UNC5D: variants seen among roughly 807,000 people sequenced by gnomAD.
UNC5D encodes unc-5 netrin receptor D, also known as netrin receptor UNC5D.
A neutral mutation model predicts 105.4 loss-of-function variants in UNC5D; 39 were observed. The ratio of observed to expected loss-of-function variants is 0.37; its 90% confidence interval spans 0.29 to 0.48. UNC5D has a LOEUF of 0.48. UNC5D is among the 20% of genes least tolerant of loss of function. The probability of loss-of-function intolerance (pLI) is 0.98; values close to 1 mark genes in which losing one functional copy is unlikely to be tolerated. For synonymous variants in UNC5D, 452 were observed against 450.4 expected (o/e 1.00, Z -0.04); for missense variants, 991 against 1,202.4 (o/e 0.82, Z 2.60).
chr8:35,608,890 CTATT>C (rs1302137934), intron 4 of UNC5D, among the ~76,000 whole-genome samples: 1 of 151,794 alleles, frequency 6.6e-6, no homozygotes, highest in African/African-American at 2.4e-5. Flanking sequence ...GTACATGTAT[CTATT>C]TAATTTTTTT....
rs201373561 is a variant in UNC5D, at chr8:35,748,702, C to T, written c.1935+7C>T. ...ACAGCAGGGCAAATGGGAGGTGAGA[C>T]CCTTTACTTCCTTTTTTAAACAGTG... On this transcript the variant is annotated splice_region_variant and intron_variant, in intron 12 of 16. Coordinates refer to ENST00000404895, the MANE Select transcript of UNC5D (RefSeq NM_080872.4). 5.2e-5 allele frequency: 83 copies of T among 1,610,172 alleles called. No individual in the cohort carries two copies. Among genetic ancestry groups the T allele is most frequent in the Non-Finnish European group, 6.5e-5 (77 of 1,178,658 alleles).
At chr8:35,443,206 GA>G (rs1425864101) in intron 1 of UNC5D, among the ~76,000 whole-genome samples, 1 of 151,826 alleles carries the variant, frequency 6.6e-6, no homozygotes, top group Non-Finnish European at 1.5e-5. Flanking sequence ...GCTTTACCAA[GA>G]AGGATATTCT....
chr8:35,587,804 C>T (rs1044309913), intron 3 of UNC5D, among the ~76,000 whole-genome samples: 11 of 151,248 alleles, frequency 7.3e-5, no homozygotes, highest in African/African-American at 2.2e-4. Context: ...TTTTTTTGGA[C>T]GTGATTTTTG....
At position 35,336,737 on chromosome 8, in the gene UNC5D, C is replaced by T. The variant is rs1406546478; in HGVS notation, c.103+100850C>T. On this transcript the variant is annotated intron_variant, in intron 1 of 16. Coordinates refer to ENST00000404895, the MANE Select transcript of UNC5D (RefSeq NM_080872.4). ...GTGGAATAATACTTAAAGAATCCTC[C>T]CTGGAGGAGATGATTTTTCAAACAC... is the stretch of plus-strand genomic sequence containing the variant. 1.3e-5 allele frequency among the ~76,000 whole-genome samples: 2 copies of T among 151,912 alleles called. 1 individual carries two copies. The highest frequency in any genetic ancestry group is 2.9e-5 in the Non-Finnish European group (2 of 68,012).
intron 1 of UNC5D, among the ~76,000 whole-genome samples, chr8:35,318,882 T>C (rs970632333): frequency 1.3e-5 from 2 of 152,024 alleles, no homozygotes; most frequent in African/African-American, 4.8e-5. Flanking sequence ...CCATTACGAG[T>C]GTCTTTAAGT....
At chr8:35,605,653 A>G (rs1023559248) in intron 4 of UNC5D, among the ~76,000 whole-genome samples, 1 of 152,228 alleles carries the variant, frequency 6.6e-6, no homozygotes, top group Non-Finnish European at 1.5e-5. Flanking sequence ...TGGAGCCTAC[A>G]GAGGCAGGCA....
At chr8:35,550,383 T>C (rs1348166508) in intron 2 of UNC5D, among the ~76,000 whole-genome samples, 1 of 152,210 alleles carries the variant, frequency 6.6e-6, no homozygotes, top group Non-Finnish European at 1.5e-5. Flanking sequence ...TTTTGAACTT[T>C]GCTTTCTCAG....
At chr8:35,321,911 C>A (rs11984839) in intron 1 of UNC5D, among the ~76,000 whole-genome samples, 69,684 of 151,900 alleles carry the variant, frequency 0.46, 16,481 homozygotes, top group East Asian at 0.7. Flanking sequence ...ATTTTAAGGT[C>A]TTTTGAACTG....
At chr8:35,715,407 T>G (rs887012014) in intron 8 of UNC5D, among the ~76,000 whole-genome samples, 2 of 152,224 alleles carry the variant, frequency 1.3e-5, no homozygotes, top group Non-Finnish European at 2.9e-5. Context: ...TTTTGCATAG[T>G]ATATGTACCT....
chr8:35,241,716 A>G (rs569332172), intron 1 of UNC5D, among the ~76,000 whole-genome samples: 4 of 152,004 alleles, frequency 2.6e-5, no homozygotes, highest in Non-Finnish European at 4.4e-5. Flanking sequence ...CGCATAGTAC[A>G]TGTACATAGT....
intron 2 of UNC5D, among the ~76,000 whole-genome samples, chr8:35,551,936 A>G (rs1435085813): frequency 6.6e-6 from 1 of 152,246 alleles, no homozygotes; most frequent in Non-Finnish European, 1.5e-5. Flanking sequence ...CTATCAATAA[A>G]GAGAAGGGCG....
rs1811451669 is a variant in UNC5D, at chr8:35,341,461, T to A, written c.103+105574T>A. On this transcript the variant is annotated intron_variant, in intron 1 of 16. Transcript: ENST00000404895. ...CTTGTTTTTTTTTTTTCTGTTTTTT[T>A]TTGTTTTTTGTTTTTCCAGTAGTGA... Among the ~76,000 whole-genome samples the A allele has an allele frequency of 1.3e-5, 2 of 151,980 alleles. 1 individual carries two copies. The highest frequency in any genetic ancestry group is 4.1e-4 in the South Asian group (2 of 4,824).
intron 1 of UNC5D, among the ~76,000 whole-genome samples, chr8:35,513,528 C>T (rs573642638): frequency 4.3e-4 from 66 of 152,300 alleles, no homozygotes; most frequent in African/African-American, 1.4e-3. Context: ...CATGCCCGGC[C>T]GGGCCCTTCC....
At chr8:35,344,245 C>T (rs189068576) in intron 1 of UNC5D, among the ~76,000 whole-genome samples, 16 of 152,140 alleles carry the variant, frequency 1.1e-4, no homozygotes, top group African/African-American at 2.9e-4. Flanking sequence ...TAGTAAGATG[C>T]GACTGTACAC....
intron 13 of UNC5D, among the ~76,000 whole-genome samples, chr8:35,753,669 C>T (rs937775805): frequency 6.6e-6 from 1 of 152,212 alleles, no homozygotes; most frequent in Non-Finnish European, 1.5e-5. Context: ...GATTCTTTCT[C>T]TCTCCTACAA....
intron 1 of UNC5D, among the ~76,000 whole-genome samples, chr8:35,311,845 C>T (rs1404259353): frequency 2.6e-5 from 4 of 152,108 alleles, no homozygotes; most frequent in Non-Finnish European, 4.4e-5. Flanking sequence ...TTAGGACCTC[C>T]ATGAGAATTA....
At chr8:35,785,914 G>A (rs1802721501) in intron 16 of UNC5D, among the ~76,000 whole-genome samples, 1 of 152,002 alleles carries the variant, frequency 6.6e-6, no homozygotes, top group Non-Finnish European at 1.5e-5. Context: ...AATCTTCCTG[G>A]ACGTCACCTA....
rs117712232 is a variant in UNC5D at position 35,473,762 on chromosome 8, A to T, written c.104-75530A>T. Reference sequence around the variant, plus strand: ...CAATATAACAGTGATATTTTTGGCTATTTATGGGGTGTGTGTAGATGTGTG... The same window carrying T: ...CAATATAACAGTGATATTTTTGGCTTTTTATGGGGTGTGTGTAGATGTGTG... On this transcript the variant is annotated intron_variant, in intron 1 of 16. Coordinates refer to ENST00000404895, the MANE Select transcript of UNC5D (RefSeq NM_080872.4). Among the ~76,000 whole-genome samples the T allele has an allele frequency of 2.6e-5, 4 of 152,144 alleles. No individual in the cohort carries two copies. The East Asian group carries it at 5.8e-4, about 22-fold the overall frequency.
intron 13 of UNC5D, among the ~76,000 whole-genome samples, chr8:35,752,234 T>A (rs1830315861): frequency 6.6e-6 from 1 of 152,226 alleles, no homozygotes; most frequent in Admixed American, 6.5e-5. Flanking sequence ...GATGCAGAAC[T>A]GCCTGTGTAA....
Sources: allele counts gnomAD v4.1 joint callset (sites outside exome capture counted in the v4.1 genomes callset), GRCh38; gene constraint gnomAD v4.1.1; transcripts MANE v1.5; gene names NCBI Gene and HGNC (gene_info 2026-07-23, HGNC 2026-07-21).